Variants in FMN1 observed in about 807,000 individuals in gnomAD.
FMN1 encodes formin-1.
FMN1 carries 110 observed loss-of-function variants against 132.4 expected under a neutral mutation model. The observed-to-expected ratio is 0.83, with a 90% CI of 0.71 to 0.97. The LOEUF is 0.97. Among genes scored for constraint, FMN1 ranks in the 50% least tolerant of loss-of-function variants. FMN1 has a pLI of 0.00. For synonymous variants in FMN1, 722 were observed against 651.7 expected (o/e 1.11, Z -1.64); for missense variants, 1,792 against 1,705.3 (o/e 1.05, Z -0.90).
intron 19 of FMN1, among the ~76,000 whole-genome samples, chr15:32,792,852 A>C (rs1187855774): frequency 6.6e-6 from 1 of 152,210 alleles, no homozygotes; most frequent in Non-Finnish European, 1.5e-5. Flanking sequence ...ACCTTACCTT[A>C]AGGACGGCAA....
At chr15:33,117,114 T>C (rs1319320128) in intron 4 of FMN1, among the ~76,000 whole-genome samples, 3 of 152,090 alleles carry the variant, frequency 2.0e-5, no homozygotes, top group Non-Finnish European at 4.4e-5. Context: ...ATCACTTACA[T>C]AGTGAGAGCT....
chr15:32,809,100 T>A (rs2057782687), intron 17 of FMN1, among the ~76,000 whole-genome samples: 1 of 151,690 alleles, frequency 6.6e-6, no homozygotes, highest in Non-Finnish European at 1.5e-5. Context: ...GTCATGGGGG[T>A]GGATGTGAGG....
At chr15:32,968,427 C>T (rs142546609) in intron 8 of FMN1, among the ~76,000 whole-genome samples, 1 of 152,174 alleles carries the variant, frequency 6.6e-6, no homozygotes, top group East Asian at 1.9e-4. Context: ...AAAGCTTTGG[C>T]TTAGATCCGG....
At chr15:33,061,069 T>C (rs1011139860) in intron 6 of FMN1, among the ~76,000 whole-genome samples, 24 of 152,206 alleles carry the variant, frequency 1.6e-4, no homozygotes, top group Non-Finnish European at 2.8e-4. Flanking sequence ...TGCCCACAGA[T>C]GGCTGTGGGG....
At chr15:32,897,308 T>C (rs2060183717) in intron 15 of FMN1, among the ~76,000 whole-genome samples, 1 of 152,226 alleles carries the variant, frequency 6.6e-6, no homozygotes, top group Non-Finnish European at 1.5e-5. Flanking sequence ...TTTATGGCTT[T>C]CAGTAAAATT....
At chr15:32,821,458 T>TA in intron 17 of FMN1, among the ~76,000 whole-genome samples, 1 of 145,676 alleles carries the variant, frequency 6.9e-6, no homozygotes, top group Non-Finnish European at 1.5e-5. Context: ...TCTTTTTTTT[T>TA]TTTTTTTTTT....
At position 32,772,200 on chromosome 15, in the gene FMN1, GGGT is replaced by G. The variant is rs1232746244; in HGVS notation, c.*2107_*2109del. 1 of 152,190 alleles carries G rather than the reference GGGT, an allele frequency of 6.6e-6. No homozygotes were observed. Among genetic ancestry groups the G allele is most frequent in the African/African-American group, 2.4e-5 (1 of 41,442 alleles). 9.4% of individuals were successfully genotyped at this position (152,190 alleles called of 1,614,324 possible). On this transcript the variant is annotated 3_prime_UTR_variant, in exon 21 of 21. Transcript: ENST00000616417. ...TTATTCTTCAGCACTGGTTCCTGAA[GGGT>G]TACGTGGCCACAGTGGCAGCCCTGC...
intron 17 of FMN1, among the ~76,000 whole-genome samples, chr15:32,829,419 C>T (rs943645782): frequency 6.6e-6 from 1 of 152,100 alleles, no homozygotes; most frequent in Non-Finnish European, 1.5e-5. Flanking sequence ...AACACAGGCC[C>T]CCAGGAGAGG....
chr15:32,880,713 G>C (rs897982612), intron 16 of FMN1, among the ~76,000 whole-genome samples: 4 of 152,124 alleles, frequency 2.6e-5, no homozygotes, highest in African/African-American at 7.2e-5. Flanking sequence ...TAAGGTTCTG[G>C]ACTGGGAATA....
chr15:33,193,622 A>G (rs915917868), intron 2 of FMN1, among the ~76,000 whole-genome samples: 1 of 152,144 alleles, frequency 6.6e-6, no homozygotes, highest in South Asian at 2.1e-4. Context: ...GCCACTCCCC[A>G]TATATATCAC....
chr15:32,881,890 C>T lies in FMN1; in HGVS notation c.3835+6282G>A, dbSNP rs892833566. Among the ~76,000 whole-genome samples, 11 of 152,304 alleles carry T rather than the reference C, an allele frequency of 7.2e-5. No homozygotes were observed. The East Asian group carries it at 2.1e-3, about 29-fold the overall frequency. On this transcript the variant is annotated intron_variant, in intron 16 of 20. Coordinates refer to ENST00000616417, the MANE Select transcript of FMN1 (RefSeq NM_001277313.2). The stretch of plus-strand genomic sequence containing the variant: ...TCCACACATGGAAGAGATAACAAAA[C>T]CTTGCAGGTTGCCCAGGGATGGCCC...
chr15:32,809,167 T>G lies in FMN1; in HGVS notation c.3929-4835A>C, dbSNP rs560032411. Among the ~76,000 whole-genome samples the G allele has an allele frequency of 7.5e-4, 115 of 152,322 alleles. No homozygotes were observed. In the South Asian group the frequency reaches 0.021, roughly 27 times the overall value. ...TTTTTCCCCTTAATGACCATGGAGT[T>G]CTGTAATCTTTGACCTGATTAACTG... On this transcript the variant is annotated intron_variant, in intron 17 of 20. Transcript: ENST00000616417.
chr15:32,853,456 G>GT (rs1158953726), intron 17 of FMN1, among the ~76,000 whole-genome samples: 1 of 152,108 alleles, frequency 6.6e-6, no homozygotes, highest in African/African-American at 2.4e-5. Context: ...AATAAATAGC[G>GT]TATTAGATGA....
intron 19 of FMN1, among the ~76,000 whole-genome samples, chr15:32,785,218 A>T (rs113496489): frequency 0.014 from 559 of 39,170 alleles, 64 homozygotes; most frequent in African/African-American, 0.033. Flanking sequence ...ATATATATAT[A>T]TTTTTTTTTT....
chr15:33,023,059 C>CA (rs758459713), intron 6 of FMN1, among the ~76,000 whole-genome samples: 3,144 of 52,980 alleles, frequency 0.059, 96 homozygotes, highest in African/African-American at 0.11. Context: ...CTCCCCCACC[C>CA]AAAAAAAAAA....
chr15:32,932,060 T>C (rs1034705573), intron 9 of FMN1, among the ~76,000 whole-genome samples: 11 of 152,202 alleles, frequency 7.2e-5, no homozygotes, highest in South Asian at 2.1e-4. Flanking sequence ...TGAGAGATAA[T>C]TGACACTTGG....
At chr15:33,107,331 T>C (rs1213093014) in intron 4 of FMN1, among the ~76,000 whole-genome samples, 2 of 151,988 alleles carry the variant, frequency 1.3e-5, no homozygotes, top group Non-Finnish European at 2.9e-5. Context: ...CTAGACACAA[T>C]ACTCTCCACA....
intron 6 of FMN1, among the ~76,000 whole-genome samples, chr15:33,038,983 A>T (rs1266093550): frequency 6.6e-6 from 1 of 152,218 alleles, no homozygotes; most frequent in African/African-American, 2.4e-5. Context: ...AGGCAGATTC[A>T]CAGACTCCCT....
At chr15:33,053,712 T>C (rs1410187194) in intron 6 of FMN1, among the ~76,000 whole-genome samples, 2 of 152,140 alleles carry the variant, frequency 1.3e-5, no homozygotes, top group African/African-American at 2.4e-5. Flanking sequence ...TAATGTATTA[T>C]AAAGAATACA....
Sources: allele counts gnomAD v4.1 joint callset (sites outside exome capture counted in the v4.1 genomes callset), GRCh38; gene constraint gnomAD v4.1.1; transcripts MANE v1.5; gene names NCBI Gene and HGNC (gene_info 2026-07-23, HGNC 2026-07-21).